Variants in TMEM132B observed in about 807,000 individuals in gnomAD.
TMEM132B encodes transmembrane protein 132B.
A neutral mutation model predicts 90.8 loss-of-function variants in TMEM132B; 18 were observed. The observed-to-expected ratio is 0.20, with a 90% CI of 0.14 to 0.29. TMEM132B has a LOEUF of 0.29. TMEM132B is among the 10% of genes least tolerant of loss of function. The pLI is 1.00. For synonymous variants in TMEM132B, 504 were observed against 523.3 expected, an observed-to-expected ratio of 0.96 and a Z score of 0.50; for missense variants, 1,096 against 1,326.8, an observed-to-expected ratio of 0.83 and a Z score of 2.70.
chr12:125,347,287 T>C (rs1023986548), intron 1 of TMEM132B, among the ~76,000 whole-genome samples: 7 of 152,200 alleles, frequency 4.6e-5, no homozygotes, highest in African/African-American at 7.2e-5. Flanking sequence ...AATAAGTATA[T>C]TTAGGTAAGT....
chr12:125,645,471 G>A (rs1219071066), intron 6 of TMEM132B, among the ~76,000 whole-genome samples: 1 of 152,224 alleles, frequency 6.6e-6, no homozygotes, highest in East Asian at 1.9e-4. Context: ...ACGTGATGAT[G>A]TACTGCTGGC....
intron 3 of TMEM132B, among the ~76,000 whole-genome samples, chr12:125,504,244 A>T (rs1049564879): frequency 1.3e-5 from 2 of 149,210 alleles, no homozygotes; most frequent in Non-Finnish European, 3.0e-5. Context: ...GTTGACCCAG[A>T]TGGCCTTCAG....
intron 1 of TMEM132B, among the ~76,000 whole-genome samples, chr12:125,331,988 A>C (rs1876790307): frequency 6.6e-6 from 1 of 151,836 alleles, no homozygotes; most frequent in South Asian, 2.1e-4. Flanking sequence ...TTAACTCCTG[A>C]CCTCAAGCCA....
At chr12:125,483,128 G>A (rs1882096057) in intron 3 of TMEM132B, among the ~76,000 whole-genome samples, 1 of 151,990 alleles carries the variant, frequency 6.6e-6, no homozygotes, top group Non-Finnish European at 1.5e-5. Context: ...ATAGCATTAG[G>A]AGAAATACCT....
intron 4 of TMEM132B, among the ~76,000 whole-genome samples, chr12:125,565,130 G>A (rs755541308): frequency 6.6e-6 from 1 of 152,218 alleles, no homozygotes; most frequent in African/African-American, 2.4e-5. Flanking sequence ...TACAGATAAA[G>A]AAAGTAAGTC....
chr12:125,516,138 C>T (rs969585835), intron 3 of TMEM132B, among the ~76,000 whole-genome samples: 4 of 151,806 alleles, frequency 2.6e-5, no homozygotes, highest in African/African-American at 9.7e-5. Context: ...ATCTCACACA[C>T]ACACTCACAC....
At chr12:125,390,876 C>T (rs959976612) in intron 2 of TMEM132B, among the ~76,000 whole-genome samples, 4 of 152,128 alleles carry the variant, frequency 2.6e-5, no homozygotes, top group African/African-American at 9.7e-5. Flanking sequence ...ATTCTTGAAA[C>T]TTTAAGAGGA....
At chr12:125,216,205 G>C (rs987491540) in intron 1 of TMEM132B, among the ~76,000 whole-genome samples, 10 of 152,182 alleles carry the variant, frequency 6.6e-5, no homozygotes, top group African/African-American at 2.4e-4. Flanking sequence ...TGCTAGCAAG[G>C]TCAGTTTTTG....
chr12:125,598,486 G>T (rs980667489), intron 5 of TMEM132B, among the ~76,000 whole-genome samples: 6 of 152,156 alleles, frequency 3.9e-5, no homozygotes, highest in African/African-American at 1.2e-4. Flanking sequence ...TCTGCAACTT[G>T]CCTAAAACAT....
intron 4 of TMEM132B, among the ~76,000 whole-genome samples, chr12:125,572,343 A>T (rs1172488790): frequency 6.6e-6 from 1 of 152,192 alleles, no homozygotes; most frequent in African/African-American, 2.4e-5. Context: ...TCATGGATGA[A>T]TTAATGCTGT....
In TMEM132B at chr12:125,574,097, T is replaced by C. The variant is rs142183183; in HGVS notation, c.1294-9754T>C. On this transcript the variant is annotated intron_variant, in intron 4 of 8. Transcript: ENST00000682704. ...ACAATGCTTTGATGAATATCCTTCA[T>C]GAACTGATGACCTTGTTTGGGCATC... Among the ~76,000 whole-genome samples the C allele has an allele frequency of 5.6e-4, 86 of 152,252 alleles. 1 individual carries two copies. The East Asian group carries it at 0.015, about 26-fold the overall frequency.
intron 1 of TMEM132B, among the ~76,000 whole-genome samples, chr12:125,305,907 G>T (rs1308180708): frequency 3.3e-5 from 5 of 152,176 alleles, no homozygotes; most frequent in Non-Finnish European, 7.3e-5. Context: ...AGGTTATTTT[G>T]TCTGCGAGAT....
At chr12:125,346,096 T>C (rs1254895628) in intron 1 of TMEM132B, among the ~76,000 whole-genome samples, 1 of 152,182 alleles carries the variant, frequency 6.6e-6, no homozygotes. Flanking sequence ...TCAGACAAAA[T>C]TTGTATTGCA....
chr12:125,529,622 G>T (rs764206752), intron 4 of TMEM132B, among the ~76,000 whole-genome samples: 7 of 152,178 alleles, frequency 4.6e-5, no homozygotes, highest in Non-Finnish European at 1.0e-4. Flanking sequence ...CTGAGTAGGG[G>T]TGCTTTACCC....
At chr12:125,480,423 G>T (rs1169766266) in intron 3 of TMEM132B, among the ~76,000 whole-genome samples, 4 of 152,044 alleles carry the variant, frequency 2.6e-5, no homozygotes, top group Admixed American at 2.6e-4. Flanking sequence ...ATGATAAAGA[G>T]GATATCACCA....
At chr12:125,244,508 AG>A (rs1366801191) in intron 1 of TMEM132B, among the ~76,000 whole-genome samples, 1 of 152,176 alleles carries the variant, frequency 6.6e-6, no homozygotes, top group Non-Finnish European at 1.5e-5. Flanking sequence ...TTGCTTTCCC[AG>A]GCTGCATCTT....
chr12:125,449,012 G>C (rs142560393), intron 3 of TMEM132B, among the ~76,000 whole-genome samples: 44 of 147,878 alleles, frequency 3.0e-4, no homozygotes, highest in African/African-American at 1.0e-3. Context: ...TGTGCCCCAG[G>C]CTGGAGTGCA....
At chr12:125,558,727 A>C (rs1358161073) in intron 4 of TMEM132B, among the ~76,000 whole-genome samples, 1 of 152,216 alleles carries the variant, frequency 6.6e-6, no homozygotes, top group South Asian at 2.1e-4. Context: ...GGCATTATAG[A>C]TCAAGAAGAT....
At chr12:125,561,302 C>T (rs1478942420) in intron 4 of TMEM132B, among the ~76,000 whole-genome samples, 2 of 148,058 alleles carry the variant, frequency 1.4e-5, no homozygotes, top group Non-Finnish European at 3.0e-5. Flanking sequence ...TGTTCTCACT[C>T]ATAATGGGAG....
Sources: allele counts gnomAD v4.1 joint callset (sites outside exome capture counted in the v4.1 genomes callset), GRCh38; gene constraint gnomAD v4.1.1; transcripts MANE v1.5; gene names NCBI Gene and HGNC (gene_info 2026-07-23, HGNC 2026-07-21).